NOX4: variants seen among roughly 807,000 people sequenced by gnomAD.
The protein encoded by NOX4 is NADPH oxidase 4, also known as kidney oxidase-1.
Under a neutral mutation model 87.6 loss-of-function variants are expected in NOX4, and 69 were observed. That is an observed-to-expected ratio of 0.79 (90% CI 0.65 to 0.96). The LOEUF is 0.96. Among genes scored for constraint, NOX4 ranks in the 40% least tolerant of loss-of-function variants. The pLI is 0.00. For missense variants in NOX4, 680 were observed against 681.5 expected (o/e 1.00, Z 0.02); for synonymous variants, 275 against 238.2 (o/e 1.15, Z -1.42).
upstream of NOX4, among the ~76,000 whole-genome samples, chr11:89,495,584 T>C (rs1344090824): frequency 1.3e-5 from 2 of 152,234 alleles, no homozygotes; most frequent in Admixed American, 6.5e-5. Context: ...TTCCTGAGAT[T>C]AGGATATGTT....
intron 2 of NOX4, among the ~76,000 whole-genome samples, chr11:89,460,870 G>T (rs1945429071): frequency 6.6e-6 from 1 of 152,156 alleles, no homozygotes; most frequent in Non-Finnish European, 1.5e-5. Flanking sequence ...TATGTTTATT[G>T]TGCCACTATC....
At chr11:89,500,694 C>G (rs1947007469), upstream of NOX4, among the ~76,000 whole-genome samples, 1 of 151,862 alleles carries the variant, frequency 6.6e-6, no homozygotes, top group African/African-American at 2.4e-5. Context: ...AATTTAAGGA[C>G]AATGAAGGAT....
chr11:89,448,796 T>C (rs567084772), intron 4 of NOX4, among the ~76,000 whole-genome samples: 12 of 152,266 alleles, frequency 7.9e-5, no homozygotes, highest in East Asian at 3.9e-4. Context: ...GGTGGGAGGA[T>C]GGCTTAAGCC....
intron 2 of NOX4, among the ~76,000 whole-genome samples, chr11:89,457,641 T>A (rs915034041): frequency 6.6e-6 from 1 of 152,102 alleles, no homozygotes; most frequent in African/African-American, 2.4e-5. Flanking sequence ...ATAAAGTCAG[T>A]CTACTGAACC....
intron 13 of NOX4, among the ~76,000 whole-genome samples, chr11:89,343,887 C>G (rs906003122): frequency 6.6e-6 from 1 of 151,984 alleles, no homozygotes; most frequent in Admixed American, 6.6e-5. Flanking sequence ...TAAGAGATAT[C>G]TTCCTCCCTG....
At chr11:89,521,440 C>A in the NOX4 span, among the ~76,000 whole-genome samples, 1 of 152,042 alleles carries the variant, frequency 6.6e-6, no homozygotes, top group Non-Finnish European at 1.5e-5. Context: ...GAAAGGGCTC[C>A]ATATTCAATA....
chr11:89,527,460 G>A, the NOX4 span, among the ~76,000 whole-genome samples: 1 of 152,158 alleles, frequency 6.6e-6, no homozygotes, highest in Admixed American at 6.5e-5. Context: ...CATGTCAAGG[G>A]TCTTTATAGC....
chr11:89,424,687 T>C (rs1204620548), intron 7 of NOX4, among the ~76,000 whole-genome samples: 8 of 152,008 alleles, frequency 5.3e-5, no homozygotes, highest in Non-Finnish European at 5.9e-5. Flanking sequence ...TTAAAATCAA[T>C]TGAGATGAGA....
chr11:89,454,212 T>C (rs949231152), intron 2 of NOX4, among the ~76,000 whole-genome samples: 4 of 152,158 alleles, frequency 2.6e-5, no homozygotes, highest in Admixed American at 6.6e-5. Context: ...AAGTAAATGT[T>C]AAACCCCTCA....
At chr11:89,535,533 A>G in the NOX4 span, among the ~76,000 whole-genome samples, 2 of 152,300 alleles carry the variant, frequency 1.3e-5, no homozygotes, top group East Asian at 3.9e-4. Context: ...ACTCTGCATC[A>G]TGTAATTTAT....
chr11:89,455,563 T>G (rs533592484), intron 2 of NOX4, among the ~76,000 whole-genome samples: 95 of 152,222 alleles, frequency 6.2e-4, no homozygotes, highest in African/African-American at 2.0e-3. Context: ...TGGTTACAAC[T>G]CTCAAGTTTG....
the NOX4 span, among the ~76,000 whole-genome samples, chr11:89,553,221 A>G: frequency 6.6e-6 from 1 of 152,092 alleles, no homozygotes; most frequent in African/African-American, 2.4e-5. Context: ...TAATCCCTAC[A>G]TGTCAAGGGC....
At chr11:89,374,498 G>T (rs1017294667) in intron 11 of NOX4, among the ~76,000 whole-genome samples, 2 of 152,118 alleles carry the variant, frequency 1.3e-5, no homozygotes, top group African/African-American at 4.8e-5. Flanking sequence ...ATGTGTCACG[G>T]GAAGTGTTAA....
intron 17 of NOX4, among the ~76,000 whole-genome samples, chr11:89,332,557 T>A (rs1182286608): frequency 6.6e-6 from 1 of 151,920 alleles, no homozygotes; most frequent in Admixed American, 6.6e-5. Flanking sequence ...TCAAAATAAT[T>A]AGTTATTAAT....
the NOX4 span, among the ~76,000 whole-genome samples, chr11:89,577,949 T>C: frequency 6.6e-6 from 1 of 152,094 alleles, no homozygotes; most frequent in Non-Finnish European, 1.5e-5. Context: ...AGTTTAAAAT[T>C]ATATATTAAT....
upstream of NOX4, among the ~76,000 whole-genome samples, chr11:89,497,212 T>A (rs1359034950): frequency 1.3e-5 from 2 of 152,226 alleles, no homozygotes. Flanking sequence ...TGATATCATT[T>A]GTGCTTTATC....
At position 89,371,521 on chromosome 11, in the gene NOX4, G is replaced by A. The variant is rs11820057; in HGVS notation, c.1135+1911C>T. On this transcript the variant is annotated intron_variant, in intron 12 of 17. Transcript: ENST00000263317. ...AATAGCTAATAATAAACCATCAGGA[G>A]TTTCTGCTTAATCTTATGAATTAAA... Among the ~76,000 whole-genome samples, 1,187 of 151,996 alleles carry A rather than the reference G, an allele frequency of 7.8e-3. 18 individuals are homozygous for A. The highest frequency in any genetic ancestry group is 0.026 in the African/African-American group (1,093 of 41,522).
intron 11 of NOX4, among the ~76,000 whole-genome samples, chr11:89,391,522 G>A (rs1417208483): frequency 6.6e-6 from 1 of 152,056 alleles, no homozygotes; most frequent in Admixed American, 6.6e-5. Flanking sequence ...TTGGGAGGCT[G>A]AGGCAGGAGT....
chr11:89,545,812 A>G, the NOX4 span: 2 of 151,948 alleles, frequency 1.3e-5, no homozygotes, highest in Non-Finnish European at 2.9e-5. Context: ...AACCAATGTC[A>G]TATACCTACT....
Sources: gnomAD v4.1 joint callset for allele counts (sites outside exome capture counted in the v4.1 genomes callset) on GRCh38, gnomAD v4.1.1 for gene constraint, MANE v1.5 for transcripts, NCBI Gene and HGNC (gene_info 2026-07-23, HGNC 2026-07-21) for gene names.